The following MCPH1 variants were observed in gnomAD, a reference collection of about 807,000 sequenced individuals.
The protein encoded by MCPH1 is microcephalin.
In MCPH1, 104 loss-of-function variants were observed where a neutral mutation model predicts 84.5. The observed-to-expected ratio is 1.23, with a 90% CI of 1.05 to 1.45. MCPH1 has a LOEUF of 1.45. MCPH1 is among the 40% of genes most tolerant of loss of function. The pLI, the probability that MCPH1 is intolerant of heterozygous loss-of-function variation, is 0.00. For synonymous variants in MCPH1, 514 were observed against 366.8 expected (o/e 1.40, Z -4.58); for missense variants, 1,498 against 1,005.7 (o/e 1.49, Z -6.62).
intron 12 of MCPH1, among the ~76,000 whole-genome samples, chr8:6,559,516 A>G (rs1825185461): frequency 6.6e-6 from 1 of 152,056 alleles, no homozygotes; most frequent in African/African-American, 2.4e-5. Flanking sequence ...ACAAACAAAC[A>G]AAAAACGATG....
intron 12 of MCPH1, among the ~76,000 whole-genome samples, chr8:6,519,315 A>G (rs556948628): frequency 6.6e-6 from 1 of 152,300 alleles, no homozygotes; most frequent in African/African-American, 2.4e-5. Flanking sequence ...GTTTGCTCAG[A>G]TAGAGCAAAA....
At chr8:6,445,597 A>G in intron 8 of MCPH1, 50 bp downstream of exon 8, 3 of 1,528,940 alleles carry the variant, frequency 2.0e-6, no homozygotes, top group Non-Finnish European at 2.6e-6. Flanking sequence ...AACATGTAAC[A>G]GTGCATCCAT....
Position 6,640,498 on chromosome 8 carries a change from C to A in MCPH1, c.2453-2496C>A, listed in dbSNP as rs548818862. 2.0e-5 allele frequency among the ~76,000 whole-genome samples: 3 copies of A among 152,194 alleles called. No homozygotes were observed. The South Asian group carries it at 6.2e-4, about 32-fold the overall frequency. On this transcript the variant is annotated intron_variant, in intron 13 of 13. Coordinates refer to ENST00000344683, the MANE Select transcript of MCPH1 (RefSeq NM_024596.5). Reference sequence around the variant, plus strand: ...TATCTTAGATAGGAGATTTATCATTCGTGAATTACCTGTCCTGATCCCTTA... The same window carrying A: ...TATCTTAGATAGGAGATTTATCATTAGTGAATTACCTGTCCTGATCCCTTA...
chr8:6,584,649 C>T (rs935494617), intron 12 of MCPH1, among the ~76,000 whole-genome samples: 1 of 152,184 alleles, frequency 6.6e-6, no homozygotes, highest in African/African-American at 2.4e-5. Context: ...GTTCGCTACA[C>T]GTCACTTAAT....
rs564610293 is a variant in MCPH1, at chr8:6,630,092, T to A, written c.2452+8401T>A. ...ATGTTGGTGCTTGAAAACAAATGGATGGCAGTAAAGTAATCCTGAAGAACA... is the reference window on the plus strand; with the variant it reads ...ATGTTGGTGCTTGAAAACAAATGGAAGGCAGTAAAGTAATCCTGAAGAACA... On this transcript the variant is annotated intron_variant, in intron 13 of 13. Coordinates refer to ENST00000344683, the MANE Select transcript of MCPH1 (RefSeq NM_024596.5). Among the ~76,000 whole-genome samples, 7 of 152,224 alleles carry A rather than the reference T, an allele frequency of 4.6e-5. No homozygotes were observed. The East Asian group carries it at 1.3e-3, about 29-fold the overall frequency.
At chr8:6,511,266 T>C (rs1042826639) in intron 12 of MCPH1, among the ~76,000 whole-genome samples, 1 of 150,000 alleles carries the variant, frequency 6.7e-6, no homozygotes, top group Non-Finnish European at 1.5e-5. Context: ...GTTCTTGAAG[T>C]TGCTTTACAT....
At chr8:6,610,930 A>G (rs1411144657) in intron 12 of MCPH1, among the ~76,000 whole-genome samples, 2 of 152,140 alleles carry the variant, frequency 1.3e-5, no homozygotes, top group East Asian at 1.9e-4. Context: ...TTGAACTGCA[A>G]ATTTAGCAGA....
chr8:6,597,622 C>T (rs749039636), intron 12 of MCPH1, among the ~76,000 whole-genome samples: 9 of 152,126 alleles, frequency 5.9e-5, no homozygotes, highest in Non-Finnish European at 1.0e-4. Context: ...CACGACAACC[C>T]GGAACACGGA....
intron 12 of MCPH1, chr8:6,508,730 A>T: frequency 1.4e-6 from 1 of 703,828 alleles, no homozygotes; most frequent in Non-Finnish European, 2.3e-6. Flanking sequence ...CTTGCTGACA[A>T]GTCTAGCTCC....
chr8:6,569,114 A>G (rs1425777836), intron 12 of MCPH1, among the ~76,000 whole-genome samples: 1 of 152,234 alleles, frequency 6.6e-6, no homozygotes, highest in Non-Finnish European at 1.5e-5. Context: ...GAAAACCATT[A>G]GAAGGTTAGC....
At chr8:6,452,510 A>G (rs1476155770) in intron 8 of MCPH1, among the ~76,000 whole-genome samples, 1 of 152,272 alleles carries the variant, frequency 6.6e-6, no homozygotes, top group Admixed American at 6.5e-5. Flanking sequence ...TGGCTTTCAC[A>G]GGGAAATGCT....
chr8:6,530,592 T>A (rs1421963623), intron 12 of MCPH1, among the ~76,000 whole-genome samples: 3 of 152,094 alleles, frequency 2.0e-5, no homozygotes, highest in Admixed American at 6.5e-5. Flanking sequence ...AGATATATAT[T>A]GATATATTGA....
chr8:6,556,578 G>A (rs772363085), intron 12 of MCPH1, among the ~76,000 whole-genome samples: 1 of 152,008 alleles, frequency 6.6e-6, no homozygotes, highest in Non-Finnish European at 1.5e-5. Flanking sequence ...CCAAAGCATA[G>A]TGTCCCCCTG....
rs369127299 is a variant in MCPH1, at chr8:6,621,634, C to A, written c.2395C>A (p.Pro799Thr). Residue 799 changes from proline (P) to threonine (T), a missense_variant, in exon 13 of 14, where the codon CCC (proline) becomes ACC (threonine). Physicochemically the swap from Pro to Thr is conservative, Grantham distance 38. Coordinates refer to ENST00000344683, the MANE Select transcript of MCPH1 (RefSeq NM_024596.5). ...CCGCCAGGCCAGCATCGTCATCGGG[C>A]CCTACAGCGGAAAGAAGAAAGCCAC... ...VPRQASIVIG[P>T]YSGKKKATVK... The A allele has an allele frequency of 6.2e-7, 1 of 1,614,200 alleles. No homozygotes were observed. Among genetic ancestry groups the A allele is most frequent in the Non-Finnish European group, 8.5e-7 (1 of 1,180,046 alleles).
intron 12 of MCPH1, chr8:6,509,204 A>G (rs1386108312): frequency 1.1e-5 from 12 of 1,085,902 alleles, no homozygotes; most frequent in African/African-American, 3.2e-5. Context: ...TGGACAAAAT[A>G]TTTTGCACTG....
chr8:6,469,573 G>T (rs747836051), intron 9 of MCPH1, among the ~76,000 whole-genome samples: 1 of 152,154 alleles, frequency 6.6e-6, no homozygotes, highest in Non-Finnish European at 1.5e-5. Context: ...TATACTGGGC[G>T]TGAACAAGGT....
intron 12 of MCPH1, among the ~76,000 whole-genome samples, chr8:6,604,725 G>A (rs1013890982): frequency 5.9e-5 from 9 of 152,188 alleles, no homozygotes; most frequent in Non-Finnish European, 8.8e-5. Context: ...GACTGGTCTC[G>A]AATTCCTGAC....
intron 8 of MCPH1, among the ~76,000 whole-genome samples, chr8:6,448,791 T>G (rs1182854029): frequency 1.3e-5 from 2 of 152,156 alleles, no homozygotes; most frequent in East Asian, 3.9e-4. Context: ...AGCCTATAGG[T>G]AGGGTCAGCA....
At chr8:6,642,746 G>A (rs1348255786) in intron 13 of MCPH1, 5 of 555,218 alleles carry the variant, frequency 9.0e-6, no homozygotes, top group South Asian at 1.9e-5. Context: ...TGCATCTAAT[G>A]GGACATGTGG....
Sources: allele counts gnomAD v4.1 joint callset (sites outside exome capture counted in the v4.1 genomes callset), GRCh38; gene constraint gnomAD v4.1.1; transcripts MANE v1.5; gene names NCBI Gene and HGNC (gene_info 2026-07-23, HGNC 2026-07-21).